PREX1: variants seen among roughly 807,000 people sequenced by gnomAD.
PREX1 encodes the protein phosphatidylinositol-3,4,5-trisphosphate dependent Rac exchange factor 1, also known as phosphatidylinositol 3,4,5-trisphosphate-dependent Rac exchanger 1 protein.
PREX1 carries 41 observed loss-of-function variants against 198.3 expected under a neutral mutation model. The ratio of observed to expected loss-of-function variants is 0.21; its 90% confidence interval spans 0.16 to 0.27. The LOEUF is 0.27. PREX1 is among the 10% of genes least tolerant of loss of function. PREX1 has a pLI of 1.00. For synonymous variants in PREX1, 843 were observed against 887.2 expected, an observed-to-expected ratio of 0.95 and a Z score of 0.89; for missense variants, 1,620 against 2,200.7, an observed-to-expected ratio of 0.74 and a Z score of 5.28.
chr20:48,824,215 A>G (rs1005601107), intron 1 of PREX1, among the ~76,000 whole-genome samples: 2 of 152,170 alleles, frequency 1.3e-5, no homozygotes, highest in African/African-American at 4.8e-5. Context: ...TGATTATTTA[A>G]TAAACACACG....
chr20:48,852,965 G>T, the PREX1 span, among the ~76,000 whole-genome samples: 4 of 152,124 alleles, frequency 2.6e-5, no homozygotes, highest in Admixed American at 2.6e-4. Context: ...TGTTGGCTGG[G>T]TGGGTATGTG....
intron 1 of PREX1, among the ~76,000 whole-genome samples, chr20:48,758,382 A>G: frequency 6.6e-6 from 1 of 152,222 alleles, no homozygotes; most frequent in Admixed American, 6.5e-5. Context: ...AGGTGCTGGC[A>G]GTGGAGCGTC....
chr20:48,884,012 C>T, the PREX1 span, among the ~76,000 whole-genome samples: 4 of 151,814 alleles, frequency 2.6e-5, no homozygotes, highest in Non-Finnish European at 5.9e-5. Context: ...TGGTGGTGGA[C>T]GCCTGTAGTC....
the PREX1 span, among the ~76,000 whole-genome samples, chr20:48,851,368 G>T: frequency 5.8e-4 from 88 of 152,238 alleles, no homozygotes; most frequent in African/African-American, 2.0e-3. Flanking sequence ...TTACCCAGGC[G>T]TGGTGGCAGG....
At chr20:48,730,096 C>A (rs1275387218) in intron 4 of PREX1, among the ~76,000 whole-genome samples, 1 of 152,088 alleles carries the variant, frequency 6.6e-6, no homozygotes, top group Non-Finnish European at 1.5e-5. Flanking sequence ...CCACCGACAC[C>A]CTGATTTCAG....
chr20:48,674,650 G>T (rs978445983), intron 14 of PREX1, among the ~76,000 whole-genome samples: 23 of 152,180 alleles, frequency 1.5e-4, no homozygotes, highest in Non-Finnish European at 2.5e-4. Context: ...AGCCTCTCTG[G>T]GCCCACTTCC....
chr20:48,884,713 G>T, the PREX1 span, among the ~76,000 whole-genome samples: 1 of 152,172 alleles, frequency 6.6e-6, no homozygotes, highest in African/African-American at 2.4e-5. Context: ...ACACTATCAA[G>T]AAAGTTAAAA....
In PREX1 at chr20:48,653,414, G is replaced by A; in HGVS notation, c.2293C>T (p.Pro765Ser). ...GCCTGGAAGTGCTCCAGGACCTCAGGGGCACCATCGTTCATCACGTTGCTG... is the reference window on the plus strand; with the variant it reads ...GCCTGGAAGTGCTCCAGGACCTCAGAGGCACCATCGTTCATCACGTTGCTG... ...NGSNVMNDGA[P>S]EVLEHFQAFR... The change falls in exon 20 of 40, where the codon CCT becomes TCT. Residue 765 changes from proline to serine, a missense_variant. Pro to Ser is a moderately conservative substitution (Grantham distance 74, BLOSUM62 -1). Coordinates refer to ENST00000371941, the MANE Select transcript of PREX1 (RefSeq NM_020820.4). 1 of 1,613,962 alleles carries A rather than the reference G, an allele frequency of 6.2e-7. No homozygotes were observed. Among genetic ancestry groups the A allele is most frequent in the Non-Finnish European group, 8.5e-7 (1 of 1,180,008 alleles).
intron 3 of PREX1, among the ~76,000 whole-genome samples, chr20:48,744,582 TCTGACCAACAGCCCAA>T: frequency 6.6e-6 from 1 of 152,324 alleles, no homozygotes; most frequent in African/African-American, 2.4e-5. Context: ...CGTCAGCCTC[TCTGACCAACAGCCCAA>T]CGGGGCACCC....
chr20:48,626,116 AGT>A (rs1275168804), intron 39 of PREX1, among the ~76,000 whole-genome samples, 189 bp from the exon 40 acceptor site: 1 of 152,252 alleles, frequency 6.6e-6, no homozygotes, highest in Non-Finnish European at 1.5e-5. Flanking sequence ...ACCCACAGGC[AGT>A]CTCTGCCCAC....
At chr20:48,812,488 G>A (rs1421366983) in intron 1 of PREX1, among the ~76,000 whole-genome samples, 1 of 151,472 alleles carries the variant, frequency 6.6e-6, no homozygotes, top group Non-Finnish European at 1.5e-5. Context: ...TAATGTAAGA[G>A]GAATGGGTAA....
At chr20:48,873,951 G>A in the PREX1 span, among the ~76,000 whole-genome samples, 7 of 151,912 alleles carry the variant, frequency 4.6e-5, no homozygotes, top group Non-Finnish European at 7.4e-5. Flanking sequence ...TGGGGCAATC[G>A]CAGCCCACTG....
At position 48,721,047 on chromosome 20, in the gene PREX1, A is replaced by G. The variant is rs138361976; in HGVS notation, c.621+5243T>C. On this transcript the variant is annotated intron_variant, in intron 5 of 39. Coordinates refer to ENST00000371941, the MANE Select transcript of PREX1 (RefSeq NM_020820.4). ...GTCCTGTTGGGGCCCACAGTGTTTA[A>G]CAAGTTCTGAATCAAGCTGATACTT... 2.2e-4 allele frequency among the ~76,000 whole-genome samples: 34 copies of G among 152,352 alleles called. No individual in the cohort carries two copies. The East Asian group carries it at 6.4e-3, about 28-fold the overall frequency.
At chr20:48,880,697 G>T in the PREX1 span, among the ~76,000 whole-genome samples, 1 of 152,108 alleles carries the variant, frequency 6.6e-6, no homozygotes, top group Non-Finnish European at 1.5e-5. Context: ...GCTGAGAAAT[G>T]TAATCTCTTA....
chr20:48,769,925 CTT>C (rs1385468795), intron 1 of PREX1, among the ~76,000 whole-genome samples: 1 of 152,186 alleles, frequency 6.6e-6, no homozygotes, highest in African/African-American at 2.4e-5. Context: ...AGGGAGAGAG[CTT>C]TTGTCTGTAT....
At chr20:48,701,236 G>A (rs188677186) in intron 6 of PREX1, among the ~76,000 whole-genome samples, 3 of 152,152 alleles carry the variant, frequency 2.0e-5, no homozygotes, top group South Asian at 2.1e-4. Context: ...TTTTTTAAAC[G>A]GAATTTCACT....
At chr20:48,755,588 T>C (rs934941540) in intron 1 of PREX1, among the ~76,000 whole-genome samples, 1 of 152,136 alleles carries the variant, frequency 6.6e-6, no homozygotes, top group African/African-American at 2.4e-5. Context: ...TGCCTGGAAG[T>C]GAAGCAGACA....
chr20:48,651,934 G>C (rs1243752566), intron 21 of PREX1, among the ~76,000 whole-genome samples: 1 of 152,198 alleles, frequency 6.6e-6, no homozygotes, highest in Non-Finnish European at 1.5e-5. Context: ...AAATGATAGT[G>C]GCTTGGACCA....
Position 48,684,662 on chromosome 20 carries a change from G to C in PREX1, c.1335-3327C>G, listed in dbSNP as rs578128190. ...CTCCGACAGCTCCACCAATGCCCTC[G>C]ATCTGGATCCTCATCTCACTCCACT... On this transcript the variant is annotated intron_variant, in intron 10 of 39. Transcript: ENST00000371941. The surrounding 1 kb of genome is among the most constrained non-coding windows in gnomAD (Gnocchi z 4.2). 6.6e-6 allele frequency among the ~76,000 whole-genome samples: 1 copy of C among 152,090 alleles called. No homozygotes were observed. The highest frequency in any genetic ancestry group is 2.4e-5 in the African/African-American group (1 of 41,404).
Sources: allele counts gnomAD v4.1 joint callset (sites outside exome capture counted in the v4.1 genomes callset), GRCh38; gene constraint gnomAD v4.1.1; non-coding constraint Gnocchi (gnomAD v3.1); transcripts MANE v1.5; gene names NCBI Gene and HGNC (gene_info 2026-07-23, HGNC 2026-07-21).